The following PXN variants were observed in gnomAD, a reference collection of about 807,000 sequenced individuals.
The protein encoded by PXN is testicular tissue protein Li 134.
In PXN, 61 loss-of-function variants were observed where a neutral mutation model predicts 103.6. That is an observed-to-expected ratio of 0.59 (90% CI 0.48 to 0.73). PXN has a LOEUF of 0.73. Among genes scored for constraint, PXN ranks in the 30% least tolerant of loss-of-function variants. PXN has a pLI of 0.00. For missense variants in PXN, 1,274 were observed against 1,460.3 expected, an observed-to-expected ratio of 0.87 and a Z score of 2.08; for synonymous variants, 562 against 607.8, an observed-to-expected ratio of 0.92 and a Z score of 1.11.
At chr12:120,254,818 G>A (rs1892748349) in intron 1 of PXN, among the ~76,000 whole-genome samples, 1 of 152,140 alleles carries the variant, frequency 6.6e-6, no homozygotes, top group Admixed American at 6.6e-5. Flanking sequence ...CAAAGTGCTG[G>A]GATTACAGGT....
At position 120,222,588 on chromosome 12, in the gene PXN, C is replaced by T. The variant is rs1566384206; in HGVS notation, c.656G>A (p.Ser219Asn). 6.2e-7 allele frequency: 1 copy of T among 1,608,538 alleles called. No individual in the cohort carries two copies. Among genetic ancestry groups the T allele is most frequent in the Non-Finnish European group, 8.5e-7 (1 of 1,177,880 alleles). The change falls in exon 5 of 15, where the codon AGT (serine) becomes AAT (asparagine). Residue 219 changes from serine (S) to asparagine (N), a missense_variant. Ser to Asn is a conservative substitution (Grantham distance 46). Around this residue, in one of 2 missense-constraint regions of PXN, gnomAD observed 1,178 missense variants for 1,309.0 expected, o/e 0.90. Transcript: ENST00000637617. The surrounding 1 kb of genome is among the most constrained non-coding windows in gnomAD (Gnocchi z 4.7). ...GLEDVRPSVE[S>N]LLDELESSVP... ...GGAGCTCTCCAGTTCATCCAAGAGACTCTCCACACTGGGCCGCACGTCCTC... is the reference window on the plus strand; with the variant it reads ...GGAGCTCTCCAGTTCATCCAAGAGATTCTCCACACTGGGCCGCACGTCCTC...
At chr12:120,263,878 A>C (rs908142116) in intron 1 of PXN, among the ~76,000 whole-genome samples, 5 of 152,308 alleles carry the variant, frequency 3.3e-5, no homozygotes, top group Non-Finnish European at 7.4e-5. Flanking sequence ...TTGAAACAGC[A>C]CGGGGACTGC....
chr12:120,222,732 G>T lies in PXN; in HGVS notation c.512C>A (p.Pro171His). ...GFPADEANSS[P>H]PLPGALSPLY... ...GGGGCTCAGGGCCCCAGGAAGCGGG[G>T]GGCTTGAGTTGGCCTCATCTTGCAG... The change falls in exon 5 of 15, where the codon CCC becomes CAC. Residue 171 changes from proline (P) to histidine (H), a missense_variant. Physicochemically the swap from Pro to His is moderately conservative, Grantham distance 77. Around this residue, in one of 2 missense-constraint regions of PXN, gnomAD observed 1,178 missense variants for 1,309.0 expected, o/e 0.90. Transcript: ENST00000637617. The surrounding 1 kb of genome is among the most constrained non-coding windows in gnomAD (Gnocchi z 4.7). The T allele has an allele frequency of 6.2e-7, 1 of 1,607,200 alleles. No individual in the cohort carries two copies.
At chr12:120,255,764 G>C (rs1404421926) in intron 1 of PXN, among the ~76,000 whole-genome samples, 1 of 151,888 alleles carries the variant, frequency 6.6e-6, no homozygotes, top group Non-Finnish European at 1.5e-5. Context: ...AGTAAGTGCA[G>C]GTCAGGCACA....
At chr12:120,260,956 C>G (rs1893789276) in intron 1 of PXN, among the ~76,000 whole-genome samples, 1 of 152,178 alleles carries the variant, frequency 6.6e-6, no homozygotes, top group South Asian at 2.1e-4. Context: ...CTGCAAGTCC[C>G]GCTCAGCAGC....
chr12:120,227,553 T>C (rs569523096), intron 1 of PXN, among the ~76,000 whole-genome samples: 17 of 152,282 alleles, frequency 1.1e-4, no homozygotes, highest in African/African-American at 3.1e-4. Context: ...AGGCACATCA[T>C]TATTCAGTTT....
At chr12:120,231,943 G>A (rs764558804) in intron 1 of PXN, among the ~76,000 whole-genome samples, 4 of 152,264 alleles carry the variant, frequency 2.6e-5, no homozygotes, top group Non-Finnish European at 2.9e-5. Context: ...AGGCTGCCCA[G>A]GTTGACTCTG....
intron 1 of PXN, chr12:120,250,123 G>A (rs900082054): frequency 7.3e-5 from 72 of 985,782 alleles, no homozygotes; most frequent in Non-Finnish European, 8.6e-5. Flanking sequence ...ATGAGAAACT[G>A]CCTTAGCCGG....
chr12:120,230,956 A>G (rs1265694128), intron 1 of PXN, among the ~76,000 whole-genome samples: 2 of 152,196 alleles, frequency 1.3e-5, no homozygotes, highest in Non-Finnish European at 2.9e-5. Flanking sequence ...TCCAGAGAGC[A>G]GGGGCCTTGT....
chr12:120,246,514 C>CAAAAAAAAAAAAAAAAAAAGAAAAAAAAA, intron 1 of PXN, among the ~76,000 whole-genome samples: 1 of 58,336 alleles, frequency 1.7e-5, no homozygotes, highest in Non-Finnish European at 3.7e-5. Context: ...GACTCTGTCT[C>CAAAAAAAAAAAAAAAAAAAGAAAAAAAAA]AAAAAAAAAA....
At position 120,212,314 on chromosome 12, in the gene PXN, C is replaced by G; in HGVS notation, c.3246G>C (p.Ter1082TyrextTer50). 6.2e-7 allele frequency: 1 copy of G among 1,611,482 alleles called. No homozygotes were observed. Among genetic ancestry groups the G allele is most frequent in the Non-Finnish European group, 8.5e-7 (1 of 1,178,358 alleles). The change falls in exon 15 of 15, where the codon TAG (stop) becomes TAC (tyrosine). Residue 1082 changes from the stop codon to tyrosine, a stop_lost. Coordinates refer to ENST00000637617, the MANE Select transcript of PXN (RefSeq NM_001385981.1). The surrounding 1 kb of genome is among the most constrained non-coding windows in gnomAD (Gnocchi z 7.2). Reference protein sequence around the residue: ...CQNCFLKLFC* With the variant: ...CQNCFLKLFCY ...GGGGGCAGAGACAGGGGCAGGGCACCTAGCAGAAGAGCTTGAGGAAGCAGT... is the reference window on the plus strand; with the variant it reads ...GGGGGCAGAGACAGGGGCAGGGCACGTAGCAGAAGAGCTTGAGGAAGCAGT...
In PXN at chr12:120,213,607, G is replaced by A. The variant is rs756576514; in HGVS notation, c.2979+235C>T. On this transcript the variant is annotated intron_variant, in intron 14 of 14. Coordinates refer to ENST00000637617, the MANE Select transcript of PXN (RefSeq NM_001385981.1). This position sits in a 1 kb window ranked among gnomAD's most constrained non-coding sequence, Gnocchi z 4.2. ...TCCCAAATAGGAATGGCCCAGGGCC[G>A]CTGCACAGGGCTGGACTGGGGGACA... 9.9e-5 allele frequency among the ~76,000 whole-genome samples: 15 copies of A among 152,200 alleles called. No homozygotes were observed. Among genetic ancestry groups the A allele is most frequent in the Non-Finnish European group, 1.6e-4 (11 of 68,024 alleles).
intron 1 of PXN, among the ~76,000 whole-genome samples, chr12:120,231,961 C>A (rs1436692264): frequency 2.0e-5 from 3 of 152,354 alleles, no homozygotes; most frequent in South Asian, 2.1e-4. Flanking sequence ...CTGAGCACTT[C>A]TATGCATCTG....
In PXN at chr12:120,211,520, G is replaced by A. The variant is rs376623472; in HGVS notation, c.*794C>T. On this transcript the variant is annotated 3_prime_UTR_variant, in exon 15 of 15. Coordinates refer to ENST00000637617, the MANE Select transcript of PXN (RefSeq NM_001385981.1). ...TGAGGAAGAGAATACAAAAGGGAAC[G>A]TCTTTAAAATCTCTTCAAAATCATT... The A allele has an allele frequency of 2.9e-5, 5 of 173,102 alleles. No homozygotes were observed. The highest frequency in any genetic ancestry group is 9.5e-5 in the African/African-American group (4 of 42,288). The allele number at this position is 173,102 out of a possible 1,614,324, so 10.7% of individuals were successfully genotyped here.
At chr12:120,243,301 T>TG (rs1890481193) in intron 1 of PXN, among the ~76,000 whole-genome samples, 1 of 152,230 alleles carries the variant, frequency 6.6e-6, no homozygotes, top group South Asian at 2.1e-4. Context: ...GCTTTTCTGC[T>TG]GGGAAGGTCT....
intron 1 of PXN, among the ~76,000 whole-genome samples, chr12:120,264,845 G>C (rs1373505425): frequency 1.3e-5 from 2 of 152,032 alleles, no homozygotes; most frequent in Non-Finnish European, 2.9e-5. Context: ...TCTAGACTTA[G>C]ATACCATGGT....
intron 1 of PXN, among the ~76,000 whole-genome samples, chr12:120,241,089 T>C (rs928670059): frequency 3.3e-5 from 5 of 152,182 alleles, no homozygotes; most frequent in African/African-American, 1.2e-4. Context: ...TTCACTACCA[T>C]GTCCCTACCA....
intron 1 of PXN, among the ~76,000 whole-genome samples, chr12:120,252,998 CA>C (rs1254384939): frequency 0.056 from 2,807 of 49,836 alleles, 45 homozygotes; most frequent in East Asian, 0.16. Context: ...GACTCTGTCT[CA>C]AAAAAAAAAA....
chr12:120,214,660 C>CTG lies in PXN; in HGVS notation c.2748+163_2748+164dup, dbSNP rs1246973807. Among the ~76,000 whole-genome samples the CTG allele has an allele frequency of 1.3e-5, 2 of 152,272 alleles. No individual in the cohort carries two copies. The highest frequency in any genetic ancestry group is 3.9e-4 in the East Asian group (2 of 5,178). ...GCTGCCCGATGCACATCGGGACAGG[C>CTG]TGTGGTTCAGGTGTGGCTGTGAATC... is the stretch of plus-strand genomic sequence containing the variant. On this transcript the variant is annotated intron_variant, in intron 12 of 14. Transcript: ENST00000637617. The surrounding 1 kb of genome is among the most constrained non-coding windows in gnomAD (Gnocchi z 5.0).
Sources: gnomAD v4.1 joint callset for allele counts (sites outside exome capture counted in the v4.1 genomes callset) on GRCh38, gnomAD v4.1.1 for gene constraint, gnomAD v4.1.1 regional missense constraint, Gnocchi (gnomAD v3.1) non-coding constraint, MANE v1.5 for transcripts, NCBI Gene and HGNC (gene_info 2026-07-23, HGNC 2026-07-21) for gene names.